CFAP299: variants seen among roughly 807,000 people sequenced by gnomAD.
The protein encoded by CFAP299 is cilia and flagella associated protein 299.
CFAP299 carries 21 observed loss-of-function variants against 27.0 expected under a neutral mutation model. The observed-to-expected ratio is 0.78, with a 90% confidence interval of 0.55 to 1.12. The LOEUF (loss-of-function observed/expected upper bound fraction) is 1.12, where lower values mean the gene tolerates loss of function less well. Among genes scored for constraint, CFAP299 ranks in the 50% most tolerant of loss-of-function variants. The pLI, the probability that CFAP299 is intolerant of heterozygous loss-of-function variation, is 0.00. For missense variants in CFAP299, 310 were observed against 276.6 expected, an observed-to-expected ratio of 1.12 and a Z score of -0.86; for synonymous variants, 104 against 98.1, an observed-to-expected ratio of 1.06 and a Z score of -0.36.
chr4:80,418,034 C>G (rs1727101620), intron 2 of CFAP299, among the ~76,000 whole-genome samples: 3 of 152,172 alleles, frequency 2.0e-5, no homozygotes, highest in Non-Finnish European at 4.4e-5. Context: ...TTGTAAATCA[C>G]ACAGTCTGTG....
intron 3 of CFAP299, among the ~76,000 whole-genome samples, chr4:80,728,580 G>C (rs948878910): frequency 4.6e-5 from 7 of 152,028 alleles, no homozygotes; most frequent in African/African-American, 1.7e-4. Flanking sequence ...AACCAATCCA[G>C]AAGCCTGGAA....
rs372890117 is a variant in CFAP299 at position 80,836,146 on chromosome 4, C to G, written c.334-33847C>G. Among the ~76,000 whole-genome samples, 10 of 152,204 alleles carry G rather than the reference C, an allele frequency of 6.6e-5. 1 individual carries two copies. The highest frequency in any genetic ancestry group is 2.4e-4 in the African/African-American group (10 of 41,542). ...ATTGGTTCAGCACTTTTGCACTAAG[C>G]CTATGTATCATTAATTATAGAATTT... is the stretch of plus-strand genomic sequence containing the variant. On this transcript the variant is annotated intron_variant, in intron 3 of 5. Transcript: ENST00000358105.
At chr4:80,923,135 T>A (rs1303306676) in intron 4 of CFAP299, among the ~76,000 whole-genome samples, 2 of 152,044 alleles carry the variant, frequency 1.3e-5, no homozygotes, top group African/African-American at 4.8e-5. Context: ...CCTTCATGGT[T>A]GTTACGGGCT....
chr4:80,521,359 G>T (rs1732901473), intron 2 of CFAP299, among the ~76,000 whole-genome samples: 1 of 152,044 alleles, frequency 6.6e-6, no homozygotes, highest in Non-Finnish European at 1.5e-5. Flanking sequence ...AATGTCAGTG[G>T]TATCTGTTTC....
chr4:80,623,516 A>C (rs1738715927), intron 3 of CFAP299, among the ~76,000 whole-genome samples: 1 of 152,162 alleles, frequency 6.6e-6, no homozygotes, highest in Admixed American at 6.5e-5. Flanking sequence ...CATACACAAA[A>C]ATATTCTTGC....
intron 3 of CFAP299, among the ~76,000 whole-genome samples, chr4:80,817,701 AT>A (rs753425314): frequency 5.9e-5 from 9 of 151,310 alleles, no homozygotes; most frequent in Non-Finnish European, 1.3e-4. Context: ...GTTCAAAAGC[AT>A]TTTTGTATGT....
At chr4:80,801,490 G>T (rs1390153141) in intron 3 of CFAP299, among the ~76,000 whole-genome samples, 1 of 152,036 alleles carries the variant, frequency 6.6e-6, no homozygotes, top group Non-Finnish European at 1.5e-5. Context: ...GAAAATTGTT[G>T]ATTGCTGATA....
intron 3 of CFAP299, among the ~76,000 whole-genome samples, chr4:80,678,363 G>GT (rs949830004): frequency 2.0e-5 from 3 of 151,936 alleles, no homozygotes; most frequent in African/African-American, 7.2e-5. Flanking sequence ...TGCAGTAGAT[G>GT]TTTTTTCCAT....
chr4:80,550,259 GAAT>G (rs1734433467), intron 2 of CFAP299, among the ~76,000 whole-genome samples: 1 of 151,968 alleles, frequency 6.6e-6, no homozygotes, highest in South Asian at 2.1e-4. Flanking sequence ...ATAAAATCGT[GAAT>G]AAGACCTGTG....
chr4:80,661,544 T>A (rs562468370), intron 3 of CFAP299, among the ~76,000 whole-genome samples: 9 of 152,330 alleles, frequency 5.9e-5, no homozygotes, highest in Non-Finnish European at 1.2e-4. Context: ...CAGTCAATAC[T>A]CTTGTGATTT....
intron 3 of CFAP299, among the ~76,000 whole-genome samples, chr4:80,602,397 A>T (rs140929653): frequency 4.1e-4 from 62 of 152,240 alleles, no homozygotes; most frequent in African/African-American, 1.3e-3. Context: ...AAATTAATTT[A>T]AAAAAGTATA....
intron 3 of CFAP299, among the ~76,000 whole-genome samples, chr4:80,868,905 C>CTGTGTGTGTGTGTG (rs1184951626): frequency 7.3e-6 from 1 of 137,576 alleles, no homozygotes; most frequent in African/African-American, 2.8e-5. Context: ...GCTTCTCTCT[C>CTGTGTGTGTGTGTG]TGTGTGTGTG....
chr4:80,547,550 T>C (rs1734295714), intron 2 of CFAP299, among the ~76,000 whole-genome samples: 1 of 152,032 alleles, frequency 6.6e-6, no homozygotes, highest in African/African-American at 2.4e-5. Flanking sequence ...TTAAAGAGCT[T>C]CCGCACAGCA....
chr4:80,900,123 A>AGTGTGT (rs3038537), intron 4 of CFAP299, among the ~76,000 whole-genome samples: 55,251 of 139,584 alleles, frequency 0.4, 12,412 homozygotes, highest in East Asian at 0.5. Context: ...AGTGGAAGAA[A>AGTGTGT]GTGTGTGTGT....
intron 3 of CFAP299, among the ~76,000 whole-genome samples, chr4:80,700,963 T>C (rs576851395): frequency 6.6e-6 from 1 of 152,180 alleles, no homozygotes; most frequent in Non-Finnish European, 1.5e-5. Flanking sequence ...ACATGCATTA[T>C]CTTTATAGAT....
chr4:80,714,829 C>T (rs189516881), intron 3 of CFAP299, among the ~76,000 whole-genome samples: 33 of 152,116 alleles, frequency 2.2e-4, no homozygotes, highest in Non-Finnish European at 4.3e-4. Flanking sequence ...TCATTACTTC[C>T]AGACCATACC....
chr4:80,895,443 A>G (rs1392212663), intron 4 of CFAP299, among the ~76,000 whole-genome samples: 1 of 152,038 alleles, frequency 6.6e-6, no homozygotes, highest in African/African-American at 2.4e-5. Context: ...TTTAGTAAAT[A>G]AGCACAAGAT....
At chr4:80,465,088 T>C (rs1729638049) in intron 2 of CFAP299, among the ~76,000 whole-genome samples, 1 of 152,196 alleles carries the variant, frequency 6.6e-6, no homozygotes, top group Admixed American at 6.5e-5. Flanking sequence ...GTGTAGAATA[T>C]AATTCTTCTG....
intron 2 of CFAP299, among the ~76,000 whole-genome samples, chr4:80,459,792 G>C (rs1729349718): frequency 6.6e-6 from 1 of 152,104 alleles, no homozygotes; most frequent in Admixed American, 6.5e-5. Context: ...GAGTTCCCTT[G>C]ACTGTGGCTT....
Sources: gnomAD v4.1 joint callset for allele counts (sites outside exome capture counted in the v4.1 genomes callset) on GRCh38, gnomAD v4.1.1 for gene constraint, MANE v1.5 for transcripts, NCBI Gene and HGNC (gene_info 2026-07-23, HGNC 2026-07-21) for gene names.